Variants in STPG2 observed in about 807,000 individuals in gnomAD.
The protein encoded by STPG2 is sperm tail PG-rich repeat containing 2.
STPG2 carries 56 observed loss-of-function variants against 54.2 expected under a neutral mutation model. The ratio of observed to expected loss-of-function variants is 1.03; its 90% CI spans 0.83 to 1.29. The LOEUF (loss-of-function observed/expected upper bound fraction) is 1.29. Ranked by LOEUF, STPG2 falls within the 50% of genes most tolerant of loss-of-function variation. STPG2 has a pLI of 0.00. For missense variants in STPG2, 596 were observed against 544.9 expected (o/e 1.09, Z -0.93); for synonymous variants, 200 against 181.8 (o/e 1.10, Z -0.81).
chr4:98,076,500 A>G (rs1738172705), intron 5 of STPG2, among the ~76,000 whole-genome samples: 1 of 152,202 alleles, frequency 6.6e-6, no homozygotes, highest in Non-Finnish European at 1.5e-5. Flanking sequence ...TAAACTGATA[A>G]TTTTTAAAAT....
At chr4:97,909,352 T>C (rs1313820808) in intron 8 of STPG2, among the ~76,000 whole-genome samples, 1 of 152,122 alleles carries the variant, frequency 6.6e-6, no homozygotes, top group Non-Finnish European at 1.5e-5. Context: ...TTAAAAGCTA[T>C]CTTACATAAA....
chr4:97,549,273 A>C (rs1057112037), intron 4 of STPG2, among the ~76,000 whole-genome samples: 1 of 152,214 alleles, frequency 6.6e-6, no homozygotes, highest in African/African-American at 2.4e-5. Flanking sequence ...CATATATTTA[A>C]TTCTCTAGCC....
intron 10 of STPG2, among the ~76,000 whole-genome samples, chr4:97,640,349 T>C (rs1721724298): frequency 6.6e-6 from 1 of 152,054 alleles, no homozygotes; most frequent in South Asian, 2.1e-4. Flanking sequence ...CTATATTACA[T>C]ATATATTTTT....
In STPG2 at chr4:98,068,715, G is replaced by A. The variant is rs187181468; in HGVS notation, c.612+37238C>T. ...GGGAATACTTACTGAGAAATGTGTC[G>A]TGAGGTGATTTCATCATTGTGCAAA... On this transcript the variant is annotated intron_variant, in intron 5 of 10. Transcript: ENST00000295268. Among the ~76,000 whole-genome samples the A allele has an allele frequency of 6.6e-5, 10 of 152,102 alleles. No homozygotes were observed. The East Asian group carries it at 1.4e-3, about 21-fold the overall frequency.
chr4:97,450,619 A>G (rs1193449649), intron 4 of STPG2, among the ~76,000 whole-genome samples: 1 of 152,182 alleles, frequency 6.6e-6, no homozygotes, highest in African/African-American at 2.4e-5. Context: ...AGATCAACAC[A>G]GGCAAAGATC....
intron 4 of STPG2, among the ~76,000 whole-genome samples, chr4:97,477,440 T>G (rs1730099361): frequency 1.3e-5 from 2 of 151,674 alleles, no homozygotes; most frequent in South Asian, 4.2e-4. Flanking sequence ...TCCCCAATCA[T>G]CAGGTGTTCT....
intron 8 of STPG2, among the ~76,000 whole-genome samples, chr4:97,914,683 T>C (rs1346291860): frequency 6.6e-6 from 1 of 152,164 alleles, no homozygotes; most frequent in Non-Finnish European, 1.5e-5. Flanking sequence ...GTTTTGGACT[T>C]CAGATTTTTT....
chr4:97,774,330 T>G (rs933850809), intron 9 of STPG2, among the ~76,000 whole-genome samples: 3 of 152,160 alleles, frequency 2.0e-5, no homozygotes, highest in Non-Finnish European at 4.4e-5. Context: ...TTACCATCTC[T>G]GGAAATTTTA....
intron 4 of STPG2, among the ~76,000 whole-genome samples, chr4:97,551,814 C>T (rs761393521): frequency 2.0e-5 from 3 of 152,138 alleles, no homozygotes; most frequent in African/African-American, 7.2e-5. Flanking sequence ...AGTATACAGA[C>T]ATTGATTCAG....
At chr4:97,964,886 A>G (rs760584407) in intron 7 of STPG2, among the ~76,000 whole-genome samples, 1 of 152,188 alleles carries the variant, frequency 6.6e-6, no homozygotes, top group Non-Finnish European at 1.5e-5. Context: ...AGATGGCCGA[A>G]TAGGAACAGC....
At chr4:97,600,869 C>T (rs1015361960) in intron 10 of STPG2, among the ~76,000 whole-genome samples, 1 of 152,004 alleles carries the variant, frequency 6.6e-6, no homozygotes, top group African/African-American at 2.4e-5. Flanking sequence ...CCAGGACTGA[C>T]AAATCCTAGG....
At chr4:97,957,743 G>C (rs1312381522) in intron 7 of STPG2, among the ~76,000 whole-genome samples, 1 of 152,172 alleles carries the variant, frequency 6.6e-6, no homozygotes, top group Non-Finnish European at 1.5e-5. Flanking sequence ...CTACAAGCTA[G>C]AAGAGATTGG....
chr4:97,989,739 T>A lies in STPG2; in HGVS notation c.613-8421A>T, dbSNP rs887484812. Among the ~76,000 whole-genome samples, 4 of 152,206 alleles carry A rather than the reference T, an allele frequency of 2.6e-5. 1 individual carries two copies. In the South Asian group the frequency reaches 6.2e-4, roughly 24 times the overall value. ...CATTATTAGTTAAAATAAGGGTTCT[T>A]TGAACACAAGAACTGGGATACCCCA... On this transcript the variant is annotated intron_variant, in intron 5 of 10. Transcript: ENST00000295268.
chr4:97,898,404 ACT>A (rs1731043906), intron 8 of STPG2, among the ~76,000 whole-genome samples: 1 of 151,736 alleles, frequency 6.6e-6, no homozygotes, highest in South Asian at 2.1e-4. Flanking sequence ...AAAATAAGAA[ACT>A]CTCAAAAATC....
At chr4:97,784,712 GAA>G (rs5860513) in intron 9 of STPG2, among the ~76,000 whole-genome samples, 1 of 151,810 alleles carries the variant, frequency 6.6e-6, no homozygotes, top group Admixed American at 6.6e-5. Flanking sequence ...GTATTACAAA[GAA>G]AAAAAACACT....
Position 97,764,595 on chromosome 4 carries a change from G to C in STPG2, c.1205-51781C>G, listed in dbSNP as rs1359533179. ...AACCTACAACAAATGAAATGCAGCA[G>C]AGATAAATTTTAGATCCCCCAGTTT... is the stretch of plus-strand genomic sequence containing the variant. On this transcript the variant is annotated intron_variant, in intron 9 of 10. Coordinates refer to ENST00000295268, the MANE Select transcript of STPG2 (RefSeq NM_174952.3). 2.6e-5 allele frequency among the ~76,000 whole-genome samples: 4 copies of C among 152,244 alleles called. No individual in the cohort carries two copies. The East Asian group carries it at 7.7e-4, about 29-fold the overall frequency.
intron 3 of STPG2, among the ~76,000 whole-genome samples, 170 bp from the exon 4 acceptor site, chr4:98,109,475 C>A (rs905830942): frequency 1.3e-5 from 2 of 152,156 alleles, no homozygotes; most frequent in African/African-American, 4.8e-5. Flanking sequence ...TAAGTTGTCA[C>A]TGTTGGTTCC....
At chr4:97,637,133 G>C (rs1721574160) in intron 10 of STPG2, among the ~76,000 whole-genome samples, 1 of 150,608 alleles carries the variant, frequency 6.6e-6, no homozygotes, top group Non-Finnish European at 1.5e-5. Context: ...ACATCAAAAA[G>C]CTTATCCACC....
chr4:97,983,838 T>C (rs755661123), intron 5 of STPG2, among the ~76,000 whole-genome samples: 1 of 152,144 alleles, frequency 6.6e-6, no homozygotes, highest in Non-Finnish European at 1.5e-5. Flanking sequence ...CACATACATA[T>C]ATACACTCAT....
Sources: allele counts gnomAD v4.1 joint callset (sites outside exome capture counted in the v4.1 genomes callset), GRCh38; gene constraint gnomAD v4.1.1; transcripts MANE v1.5; gene names NCBI Gene and HGNC (gene_info 2026-07-23, HGNC 2026-07-21).